The following UBAC1 variants were observed in gnomAD, a reference collection of about 807,000 sequenced individuals.
UBAC1 encodes UBA domain containing 1.
Under a neutral mutation model 45.9 loss-of-function variants are expected in UBAC1, and 27 were observed. The observed-to-expected ratio is 0.59, with a 90% confidence interval of 0.43 to 0.81. The LOEUF is 0.81. Ranked by LOEUF, UBAC1 falls within the 30% of genes least tolerant of loss-of-function variation. UBAC1 has a pLI of 0.00. For missense variants in UBAC1, 529 were observed against 539.2 expected (o/e 0.98, Z 0.19); for synonymous variants, 227 against 215.5 (o/e 1.05, Z -0.47).
At chr9:135,952,001 G>A (rs944570795) in intron 3 of UBAC1, among the ~76,000 whole-genome samples, 2 of 152,190 alleles carry the variant, frequency 1.3e-5, no homozygotes, top group African/African-American at 2.4e-5. Flanking sequence ...TATTAGTTAC[G>A]GGCCTGTAAG....
At chr9:135,957,697 G>T (rs1490993534) in intron 1 of UBAC1, among the ~76,000 whole-genome samples, 1 of 151,186 alleles carries the variant, frequency 6.6e-6, no homozygotes. Flanking sequence ...ATCTTCATGC[G>T]ATCTAGGAAA....
At chr9:135,940,731 T>G (rs971329821) in intron 7 of UBAC1, among the ~76,000 whole-genome samples, 1 of 152,240 alleles carries the variant, frequency 6.6e-6, no homozygotes, top group Non-Finnish European at 1.5e-5. Flanking sequence ...CATCCTCTAC[T>G]CTGGAGATTT....
Position 135,950,122 on chromosome 9 carries a change from C to T in UBAC1, c.334-2217G>A, listed in dbSNP as rs1291534339. Among the ~76,000 whole-genome samples, 3 of 152,320 alleles carry T rather than the reference C, an allele frequency of 2.0e-5. No homozygotes were observed. The East Asian group carries it at 5.8e-4, about 29-fold the overall frequency. ...AGAAAGGAAGGCAGCCCTTCAGCAC[C>T]CTGAACACAGCCCTCCGGCACCCTG... On this transcript the variant is annotated intron_variant, in intron 3 of 9. Transcript: ENST00000371756.
intron 8 of UBAC1, 94 bp downstream of exon 8, chr9:135,939,579 C>CCACAGCCCACACT (rs1301337120): frequency 7.8e-7 from 1 of 1,275,192 alleles, no homozygotes; most frequent in East Asian, 2.4e-5. Flanking sequence ...CACTCACTCA[C>CCACAGCCCACACT]CACAGCCCAC....
chr9:135,945,631 G>T (rs1261012767), intron 6 of UBAC1: 2 of 562,676 alleles, frequency 3.6e-6, no homozygotes, highest in Non-Finnish European at 6.3e-6. Flanking sequence ...GACTGTTAGA[G>T]GCCGTGTCCC....
chr9:135,939,500 C>T (rs1227053356), intron 8 of UBAC1, among the ~76,000 whole-genome samples, 173 bp downstream of exon 8: 4 of 147,338 alleles, frequency 2.7e-5, no homozygotes, highest in Non-Finnish European at 5.9e-5. Flanking sequence ...ACAGCCCACA[C>T]TCACTCAGCC....
At chr9:135,938,497 G>GAGATC in intron 8 of UBAC1, 137 bp from the exon 9 acceptor site, 2 of 1,147,654 alleles carry the variant, frequency 1.7e-6, no homozygotes, top group Non-Finnish European at 1.2e-6. Context: ...CCCTGGAAGG[G>GAGATC]ACTCTACCGT....
intron 1 of UBAC1, among the ~76,000 whole-genome samples, chr9:135,956,522 G>C (rs1041329084): frequency 6.6e-6 from 1 of 152,068 alleles, no homozygotes; most frequent in Non-Finnish European, 1.5e-5. Flanking sequence ...TGCCCAAGTC[G>C]GTCCAGAGCT....
chr9:135,954,138 T>TA (rs1461891584), intron 2 of UBAC1, among the ~76,000 whole-genome samples: 4,859 of 103,508 alleles, frequency 0.047, 277 homozygotes, highest in African/African-American at 0.13. Context: ...GACTTCATCT[T>TA]AAAAAAAAAA....
intron 1 of UBAC1, among the ~76,000 whole-genome samples, chr9:135,956,700 T>C (rs1205789687): frequency 6.6e-6 from 1 of 152,206 alleles, no homozygotes. Flanking sequence ...GGAGAGGGGC[T>C]GCACTTCTGT....
chr9:135,942,291 T>C (rs1839279172), intron 7 of UBAC1: 1 of 152,138 alleles, frequency 6.6e-6, no homozygotes. Flanking sequence ...CTTGGCTCCC[T>C]AGGAGACAAG....
intron 1 of UBAC1, among the ~76,000 whole-genome samples, chr9:135,959,493 G>T (rs906175232): frequency 6.7e-5 from 10 of 149,166 alleles, no homozygotes; most frequent in Non-Finnish European, 8.9e-5. Context: ...CCCTGCCTCA[G>T]CCTCCCAAGT....
Position 135,955,457 on chromosome 9 carries a change from C to T in UBAC1, c.139-42G>A, listed in dbSNP as rs777722565. 5 of 1,491,398 alleles carry T rather than the reference C, an allele frequency of 3.4e-6. No individual in the cohort carries two copies. The African/African-American group carries it at 4.3e-5, about 13-fold the overall frequency. 92.4% of individuals were successfully genotyped at this position (1,491,398 alleles called of 1,614,324 possible). A position where few individuals can be genotyped will look rare whatever the true frequency, so the allele number is the denominator to read the frequency against. On this transcript the variant is annotated intron_variant, in intron 1 of 9. Coordinates refer to ENST00000371756, the MANE Select transcript of UBAC1 (RefSeq NM_016172.3). Reference sequence around the variant, plus strand: ...ATTTCAAGGTAGAAAATAAGTAAATCGTAATTCTAATAATATAGGACCTGG... The same window carrying T: ...ATTTCAAGGTAGAAAATAAGTAAATTGTAATTCTAATAATATAGGACCTGG...
intron 2 of UBAC1, among the ~76,000 whole-genome samples, chr9:135,954,322 G>A (rs551723714): frequency 3.9e-5 from 6 of 152,044 alleles, no homozygotes; most frequent in Non-Finnish European, 5.9e-5. Context: ...GCACATGCCC[G>A]TAGTCCCAGC....
chr9:135,933,709 A>C (rs1472635090), intron 9 of UBAC1, among the ~76,000 whole-genome samples, 194 bp from the exon 10 acceptor site: 1 of 152,198 alleles, frequency 6.6e-6, no homozygotes, highest in Non-Finnish European at 1.5e-5. Context: ...CCATCAAATC[A>C]GATCTGATCA....
At chr9:135,949,240 G>C (rs970739355) in intron 3 of UBAC1, among the ~76,000 whole-genome samples, 6 of 152,086 alleles carry the variant, frequency 3.9e-5, no homozygotes, top group African/African-American at 1.4e-4. Flanking sequence ...GATCAAAGAG[G>C]CTACAGAATG....
chr9:135,945,801 G>GTA lies in UBAC1; in HGVS notation c.653+87_653+88insTA, dbSNP rs1290093877. 4 of 1,001,804 alleles carry GTA rather than the reference G, an allele frequency of 4.0e-6. No individual in the cohort carries two copies. The African/African-American group carries it at 6.4e-5, about 16-fold the overall frequency. 62.1% of individuals were successfully genotyped at this position (1,001,804 alleles called of 1,614,324 possible). A position where few individuals can be genotyped will look rare whatever the true frequency, so the allele number is the denominator to read the frequency against. On this transcript the variant is annotated intron_variant, in intron 6 of 9. Transcript: ENST00000371756. Reference sequence around the variant, plus strand: ...AGAAATGATTCAGTCAAAGAGTTTAGGGTAGGAGGACGTCACCCACGGTGG... The same window carrying GTA: ...AGAAATGATTCAGTCAAAGAGTTTAGTAGGTAGGAGGACGTCACCCACGGTGG...
At chr9:135,943,002 G>GT (rs1226583855) in intron 7 of UBAC1, among the ~76,000 whole-genome samples, 5 of 152,030 alleles carry the variant, frequency 3.3e-5, no homozygotes, top group Non-Finnish European at 7.4e-5. Context: ...AGAAGGGAAC[G>GT]TTTTTGCAAT....
At chr9:135,944,107 T>C (rs904928206) in intron 7 of UBAC1, among the ~76,000 whole-genome samples, 2 of 152,204 alleles carry the variant, frequency 1.3e-5, no homozygotes, top group African/African-American at 4.8e-5. Context: ...ATCCTGCATA[T>C]GTATCCCAGA....
Sources: allele counts gnomAD v4.1 joint callset (sites outside exome capture counted in the v4.1 genomes callset), GRCh38; gene constraint gnomAD v4.1.1; transcripts MANE v1.5; gene names NCBI Gene and HGNC (gene_info 2026-07-23, HGNC 2026-07-21).